Variants in CERK observed in about 807,000 individuals in gnomAD.
CERK encodes acylsphingosine kinase.
Under a neutral mutation model 63.4 loss-of-function variants are expected in CERK, and 39 were observed. The ratio of observed to expected loss-of-function variants is 0.61; its 90% CI spans 0.48 to 0.80. The LOEUF is 0.80. Among genes scored for constraint, CERK ranks in the 30% least tolerant of loss-of-function variants. CERK has a pLI of 0.00. For missense variants in CERK, 670 were observed against 714.1 expected, an observed-to-expected ratio of 0.94 and a Z score of 0.70; for synonymous variants, 302 against 280.0, an observed-to-expected ratio of 1.08 and a Z score of -0.78.
At chr22:46,723,519 T>G (rs2082902834) in intron 1 of CERK, among the ~76,000 whole-genome samples, 1 of 151,884 alleles carries the variant, frequency 6.6e-6, no homozygotes, top group African/African-American at 2.4e-5. Context: ...CTCAGGAGAT[T>G]GAAGCATGAG....
intron 12 of CERK, among the ~76,000 whole-genome samples, chr22:46,689,084 C>G (rs1203546274): frequency 6.6e-6 from 1 of 152,254 alleles, no homozygotes; most frequent in Non-Finnish European, 1.5e-5. Flanking sequence ...TCCGCCCAGC[C>G]AGCCAGAGGA....
intron 3 of CERK, among the ~76,000 whole-genome samples, chr22:46,715,743 C>G (rs1229556395): frequency 6.6e-6 from 1 of 152,182 alleles, no homozygotes; most frequent in East Asian, 1.9e-4. Flanking sequence ...TCACCTCACA[C>G]TGGACACAAA....
chr22:46,731,789 G>A lies in CERK; in HGVS notation c.142+6218C>T, dbSNP rs1435716011. Among the ~76,000 whole-genome samples, 9 of 152,324 alleles carry A rather than the reference G, an allele frequency of 5.9e-5. No individual in the cohort carries two copies. In the East Asian group the frequency reaches 1.7e-3, roughly 29 times the overall value. ...GGAATGCAAGCCAGGCCACAGGCACGCATGGGCGAGCAGTGCCTGGAAGAA... is the reference window on the plus strand; with the variant it reads ...GGAATGCAAGCCAGGCCACAGGCACACATGGGCGAGCAGTGCCTGGAAGAA... On this transcript the variant is annotated intron_variant, in intron 1 of 12. Transcript: ENST00000216264.
At chr22:46,691,123 G>A (rs1027705995) in intron 11 of CERK, among the ~76,000 whole-genome samples, 4 of 151,384 alleles carry the variant, frequency 2.6e-5, no homozygotes, top group Admixed American at 2.0e-4. Context: ...CACCCAGGCT[G>A]GAGTGCAGTT....
chr22:46,724,837 G>A (rs893593814), intron 1 of CERK, among the ~76,000 whole-genome samples: 1 of 152,106 alleles, frequency 6.6e-6, no homozygotes, highest in African/African-American at 2.4e-5. Flanking sequence ...GGCTAACATG[G>A]TGAAACCCCG....
Position 46,701,547 on chromosome 22 carries a change from G to A in CERK, c.790+89C>T. The A allele has an allele frequency of 2.6e-6, 3 of 1,136,074 alleles. No individual in the cohort carries two copies. The South Asian group carries it at 4.2e-5, about 16-fold the overall frequency. The allele number at this position is 1,136,074 out of a possible 1,614,324, so 70.4% of individuals were successfully genotyped here. ...CGGCCAGGACAGGACGGCAACGGCTGGAACACGCGACGGGGACCAGAGTGG... is the reference window on the plus strand; with the variant it reads ...CGGCCAGGACAGGACGGCAACGGCTAGAACACGCGACGGGGACCAGAGTGG... On this transcript the variant is annotated intron_variant, in intron 7 of 12. Coordinates refer to ENST00000216264, the MANE Select transcript of CERK (RefSeq NM_022766.6).
At chr22:46,691,059 A>ACG (rs2082729037) in intron 11 of CERK, among the ~76,000 whole-genome samples, 2 of 146,376 alleles carry the variant, frequency 1.4e-5, no homozygotes, top group African/African-American at 5.1e-5. Context: ...ACATACATAC[A>ACG]CACACACACA....
intron 1 of CERK, among the ~76,000 whole-genome samples, chr22:46,736,766 GC>G (rs2082975991): frequency 6.6e-6 from 1 of 152,028 alleles, no homozygotes; most frequent in South Asian, 2.1e-4. Flanking sequence ...CTCGACCTTG[GC>G]CCCACCTAAC....
chr22:46,718,133 G>A (rs1185470058), intron 3 of CERK, among the ~76,000 whole-genome samples: 1 of 152,128 alleles, frequency 6.6e-6, no homozygotes, highest in South Asian at 2.1e-4. Flanking sequence ...AGGGTTAGAA[G>A]TTAAAATTGT....
rs959230117 is a variant in CERK, at chr22:46,703,339, C to T, written c.716-1629G>A. On this transcript the variant is annotated intron_variant, in intron 6 of 12. Transcript: ENST00000216264. ...CTCCAGATCTCAGGACCCCAACCCC[C>T]ACCTGCCCCTCCTGCCTCTCCTGCC... Among the ~76,000 whole-genome samples, 6 of 152,254 alleles carry T rather than the reference C, an allele frequency of 3.9e-5. No homozygotes were observed. The South Asian group carries it at 6.2e-4, about 16-fold the overall frequency.
chr22:46,700,803 G>C (rs539643272), intron 7 of CERK, among the ~76,000 whole-genome samples: 1 of 152,288 alleles, frequency 6.6e-6, no homozygotes. Flanking sequence ...CCTGAGGTCA[G>C]GAGTTCGAGA....
chr22:46,730,154 A>G (rs1601731296), intron 1 of CERK, among the ~76,000 whole-genome samples: 1 of 152,236 alleles, frequency 6.6e-6, no homozygotes, highest in African/African-American at 2.4e-5. Flanking sequence ...GTGGTGGCTC[A>G]CGCCTGTAAT....
chr22:46,699,028 G>A (rs2146551229), intron 8 of CERK, among the ~76,000 whole-genome samples: 1 of 152,292 alleles, frequency 6.6e-6, no homozygotes, highest in Non-Finnish European at 1.5e-5. Flanking sequence ...TGGCGTCTTG[G>A]GGTTCCAGCA....
At chr22:46,724,500 T>C (rs2082908045) in intron 1 of CERK, among the ~76,000 whole-genome samples, 1 of 152,062 alleles carries the variant, frequency 6.6e-6, no homozygotes, top group Admixed American at 6.6e-5. Context: ...GGTGCGGCCA[T>C]GGTGGGAACA....
At position 46,686,997 on chromosome 22, in the gene CERK, G is replaced by A; in HGVS notation, c.*137C>T. On this transcript the variant is annotated 3_prime_UTR_variant, in exon 13 of 13. Coordinates refer to ENST00000216264, the MANE Select transcript of CERK (RefSeq NM_022766.6). ...TGTACACAAAATTGTTGACAAAAGG[G>A]TTTTCTTCTAAAATCAAGATTTAAC... 1 of 783,930 alleles carries A rather than the reference G, an allele frequency of 1.3e-6. No individual in the cohort carries two copies. The allele number at this position is 783,930 out of a possible 1,614,324, so 48.6% of individuals were successfully genotyped here.
chr22:46,736,499 G>A (rs900615233), intron 1 of CERK, among the ~76,000 whole-genome samples: 4 of 152,202 alleles, frequency 2.6e-5, no homozygotes, highest in African/African-American at 7.2e-5. Flanking sequence ...CCAGTGGCCC[G>A]CACTTAGGAA....
rs555317027 is a variant in CERK, at chr22:46,685,978, G to A, written c.*1156C>T. On this transcript the variant is annotated 3_prime_UTR_variant, in exon 13 of 13. Transcript: ENST00000216264. ...AAACTACGTTACAGACATCATCTAC[G>A]TGGGCACGGATACACACTAAACAAG... 2.6e-5 allele frequency: 4 copies of A among 152,228 alleles called. No individual in the cohort carries two copies. Among genetic ancestry groups the A allele is most frequent in the South Asian group, 2.1e-4 (1 of 4,818 alleles). 9.4% of individuals were successfully genotyped at this position (152,228 alleles called of 1,614,324 possible). A position where few individuals can be genotyped will look rare whatever the true frequency, so the allele number is the denominator to read the frequency against.
intron 8 of CERK, among the ~76,000 whole-genome samples, chr22:46,698,160 G>A (rs908989681): frequency 6.6e-6 from 1 of 152,246 alleles, no homozygotes; most frequent in East Asian, 1.9e-4. Flanking sequence ...CAGGATGCGG[G>A]CAACCTCTTT....
chr22:46,699,216 C>G (rs2082771034), intron 8 of CERK, 97 bp downstream of exon 8: 1 of 1,287,624 alleles, frequency 7.8e-7, no homozygotes, highest in Non-Finnish European at 1.1e-6. Flanking sequence ...GGTGGGGGCC[C>G]ACCTCTGACG....
Sources: gnomAD v4.1 joint callset for allele counts (sites outside exome capture counted in the v4.1 genomes callset) on GRCh38, gnomAD v4.1.1 for gene constraint, MANE v1.5 for transcripts, NCBI Gene and HGNC (gene_info 2026-07-23, HGNC 2026-07-21) for gene names.